RYR3: variants seen among roughly 807,000 people sequenced by gnomAD.
The protein encoded by RYR3 is ryanodine receptor 3.
Under a neutral mutation model 584.3 loss-of-function variants are expected in RYR3, and 207 were observed. That is an observed-to-expected ratio of 0.35 (90% confidence interval 0.32 to 0.40). The LOEUF (loss-of-function observed/expected upper bound fraction) is 0.40. Among genes scored for constraint, RYR3 ranks in the 10% least tolerant of loss-of-function variants. The pLI is 1.00. For synonymous variants in RYR3, 2,416 were observed against 2,248.5 expected (o/e 1.07, Z -2.11); for missense variants, 5,616 against 6,089.2 (o/e 0.92, Z 2.59).
At chr15:33,804,855 C>T (rs1218181822) in intron 69 of RYR3, among the ~76,000 whole-genome samples, 1 of 152,174 alleles carries the variant, frequency 6.6e-6, no homozygotes, top group Non-Finnish European at 1.5e-5. Context: ...AAGTTAGCCT[C>T]AGTGCATATG....
chr15:33,472,786 T>G (rs2049034080), intron 1 of RYR3, among the ~76,000 whole-genome samples: 1 of 152,174 alleles, frequency 6.6e-6, no homozygotes. Flanking sequence ...TCAGAGCAGT[T>G]CTTCTACTTG....
At chr15:33,865,049 G>C (rs550919485) in intron 103 of RYR3, 82 bp from the exon 104 acceptor site, 218 of 991,704 alleles carry the variant, frequency 2.2e-4, no homozygotes, top group Non-Finnish European at 3.3e-4. Context: ...TTCCTAAAGG[G>C]AGCCACAAAG....
At chr15:33,438,571 A>G (rs527553312) in intron 1 of RYR3, among the ~76,000 whole-genome samples, 2 of 152,258 alleles carry the variant, frequency 1.3e-5, no homozygotes, top group South Asian at 4.1e-4. Context: ...TATCTCCCAT[A>G]TAAGTTTTAG....
chr15:33,604,793 A>G lies in RYR3; in HGVS notation c.2164+1429A>G, dbSNP rs539023504. The stretch of plus-strand genomic sequence containing the variant: ...GCTATGAAGTAGTGACCTTAAGCTT[A>G]GGTTATCATCAGATATCATAAGGTT... On this transcript the variant is annotated intron_variant, in intron 18 of 103. Transcript: ENST00000634891. Among the ~76,000 whole-genome samples, 12 of 152,346 alleles carry G rather than the reference A, an allele frequency of 7.9e-5. No individual in the cohort carries two copies. The East Asian group carries it at 1.9e-3, about 24-fold the overall frequency.
At chr15:33,443,826 G>C (rs1433886816) in intron 1 of RYR3, among the ~76,000 whole-genome samples, 1 of 152,140 alleles carries the variant, frequency 6.6e-6, no homozygotes, top group Admixed American at 6.5e-5. Flanking sequence ...CTTGTTTTCT[G>C]CCATCATCCT....
intron 57 of RYR3, among the ~76,000 whole-genome samples, chr15:33,753,544 G>A (rs914089946): frequency 7.2e-5 from 11 of 152,188 alleles, no homozygotes; most frequent in Non-Finnish European, 1.0e-4. Flanking sequence ...ATGAAAAGCC[G>A]GTGTTTTTAT....
intron 1 of RYR3, among the ~76,000 whole-genome samples, chr15:33,411,308 A>C: frequency 6.6e-6 from 1 of 152,230 alleles, no homozygotes; most frequent in Non-Finnish European, 1.5e-5. Context: ...CACAACCCTC[A>C]GCCATCACTG....
chr15:33,705,516 T>C (rs1052685184), intron 42 of RYR3, among the ~76,000 whole-genome samples: 7 of 152,214 alleles, frequency 4.6e-5, no homozygotes, highest in African/African-American at 1.7e-4. Flanking sequence ...ACATAAGATA[T>C]CAAAGGTGAA....
At chr15:33,511,841 C>T (rs1027784334) in intron 3 of RYR3, among the ~76,000 whole-genome samples, 1 of 152,084 alleles carries the variant, frequency 6.6e-6, no homozygotes, top group Admixed American at 6.5e-5. Flanking sequence ...TGCAGTGGCG[C>T]GATCTCGGCT....
At chr15:33,858,191 G>T in intron 99 of RYR3, 1 of 372,370 alleles carries the variant, frequency 2.7e-6, no homozygotes, top group Non-Finnish European at 4.8e-6. Flanking sequence ...TCTATTTCCG[G>T]GGTAAAGATG....
chr15:33,797,559 TA>T (rs2075695532), intron 67 of RYR3, among the ~76,000 whole-genome samples: 1 of 152,070 alleles, frequency 6.6e-6, no homozygotes, highest in African/African-American at 2.4e-5. Context: ...TGAACCTCAC[TA>T]GAGATAAAGA....
At chr15:33,511,121 G>C (rs1430867349) in intron 3 of RYR3, among the ~76,000 whole-genome samples, 1 of 151,820 alleles carries the variant, frequency 6.6e-6, no homozygotes. Flanking sequence ...ATTTTTCTTG[G>C]GTGGATTTTT....
chr15:33,474,245 GTGGGCAGA>G (rs956746882), intron 2 of RYR3, among the ~76,000 whole-genome samples: 13 of 152,204 alleles, frequency 8.5e-5, no homozygotes, highest in African/African-American at 3.1e-4. Flanking sequence ...TGGATGGATG[GTGGGCAGA>G]TGGGCAGATG....
At chr15:33,721,889 A>C (rs537556770) in intron 43 of RYR3, among the ~76,000 whole-genome samples, 41 of 152,302 alleles carry the variant, frequency 2.7e-4, no homozygotes, top group African/African-American at 9.6e-4. Flanking sequence ...TTTATCAGGA[A>C]ATGAGACCCT....
intron 1 of RYR3, among the ~76,000 whole-genome samples, chr15:33,400,473 G>C (rs11630810): frequency 0.14 from 21,759 of 152,084 alleles, 1,701 homozygotes; most frequent in African/African-American, 0.19. Flanking sequence ...TTGCATTCAC[G>C]TGCTGGGGGA....
chr15:33,580,382 G>A (rs1411580197), intron 13 of RYR3, among the ~76,000 whole-genome samples: 1 of 152,156 alleles, frequency 6.6e-6, no homozygotes, highest in Non-Finnish European at 1.5e-5. Flanking sequence ...TGCCACATGT[G>A]TATCAAATAT....
In RYR3 at chr15:33,683,055, C is replaced by T. The variant is rs552127571; in HGVS notation, c.5860+12499C>T. 1.2e-4 allele frequency among the ~76,000 whole-genome samples: 18 copies of T among 151,628 alleles called. 1 individual carries two copies. The South Asian group carries it at 2.7e-3, about 23-fold the overall frequency. ...TGTTGCCCAGGCTGGAGTGCAGTGGCGCGATCTTGGCTCACTGCAAGCTCC... is the reference window on the plus strand; with the variant it reads ...TGTTGCCCAGGCTGGAGTGCAGTGGTGCGATCTTGGCTCACTGCAAGCTCC... On this transcript the variant is annotated intron_variant, in intron 38 of 103. Transcript: ENST00000634891.
At chr15:33,696,569 T>G in intron 39 of RYR3, 78 bp downstream of exon 39, 1 of 1,390,558 alleles carries the variant, frequency 7.2e-7, no homozygotes, top group South Asian at 1.3e-5. Flanking sequence ...TATAGAGATA[T>G]AGTGGAATCA....
chr15:33,572,656 T>TACACACACACACAC (rs1189671888), intron 12 of RYR3, among the ~76,000 whole-genome samples: 1 of 124,430 alleles, frequency 8.0e-6, no homozygotes, highest in Non-Finnish European at 1.6e-5. Context: ...AAAAACTATA[T>TACACACACACACAC]ATACACACAC....
Sources: allele counts gnomAD v4.1 joint callset (sites outside exome capture counted in the v4.1 genomes callset), GRCh38; gene constraint gnomAD v4.1.1; transcripts MANE v1.5; gene names NCBI Gene and HGNC (gene_info 2026-07-23, HGNC 2026-07-21).